Variants in DCX observed in about 807,000 individuals in gnomAD.
The protein encoded by DCX is neuronal migration protein doublecortin.
In DCX, 4 loss-of-function variants were observed where a neutral mutation model predicts 20.9. That is an observed-to-expected ratio of 0.19 (90% CI 0.09 to 0.44). DCX has a LOEUF of 0.44. DCX is among the 20% of genes least tolerant of loss of function. DCX has a pLI of 0.99. For missense variants in DCX, 133 were observed against 296.9 expected (o/e 0.45, Z 4.06); for synonymous variants, 103 against 111.4 (o/e 0.92, Z 0.47).
Position 111,294,889 on chromosome X carries a change from T to C in DCX, c.*6798A>G, listed in dbSNP as rs1159038141. 8.9e-6 allele frequency: 1 copy of C among 112,526 alleles called. No homozygotes were observed. The highest frequency in any genetic ancestry group is 1.9e-5 in the Non-Finnish European group (1 of 53,285). The allele number at this position is 112,526 out of a possible 1,213,427, so 9.3% of individuals were successfully genotyped here. On this transcript the variant is annotated 3_prime_UTR_variant, in exon 7 of 7. Coordinates refer to ENST00000636035, the MANE Select transcript of DCX (RefSeq NM_001195553.2). Reference sequence around the variant, plus strand: ...AGGTACTCAATTCTAACTACAGCTATAGGGCAGAAAGGGTGGGCTGTTTCC... The same window carrying C: ...AGGTACTCAATTCTAACTACAGCTACAGGGCAGAAAGGGTGGGCTGTTTCC...
intron 1 of DCX, chrX:111,410,684 G>T: frequency 9.6e-7 from 1 of 1,044,729 alleles, no homozygotes; most frequent in Non-Finnish European, 1.3e-6. Flanking sequence ...AGAGAGGGAG[G>T]CACTCTTGGC....
chrX:111,407,802 G>GCACACACACACACACACA (rs34206475), intron 2 of DCX, among the ~76,000 whole-genome samples: 3 of 90,275 alleles, frequency 3.3e-5, no homozygotes, highest in African/African-American at 1.2e-4. Flanking sequence ...ACATCAATAC[G>GCACACACACACACACACA]CACACACACA....
intron 5 of DCX, among the ~76,000 whole-genome samples, chrX:111,324,362 C>G (rs975057492): frequency 7.1e-5 from 8 of 111,921 alleles, no homozygotes; most frequent in African/African-American, 2.6e-4. Context: ...AATGAGCTCT[C>G]TCCCATGAAC....
At chrX:111,331,265 C>T (rs766951006) in intron 4 of DCX, among the ~76,000 whole-genome samples, 5 of 111,360 alleles carry the variant, frequency 4.5e-5, no homozygotes, top group Admixed American at 3.8e-4. Flanking sequence ...CCCTGAATTA[C>T]GAAAACAAGG....
intron 5 of DCX, among the ~76,000 whole-genome samples, chrX:111,328,858 G>A (rs1388263497): frequency 9.0e-6 from 1 of 110,813 alleles, no homozygotes; most frequent in Non-Finnish European, 1.9e-5. Flanking sequence ...ATATTTTAAT[G>A]ATACCCACAT....
chrX:111,390,982 G>A (rs973326520), intron 3 of DCX, among the ~76,000 whole-genome samples: 2 of 95,282 alleles, frequency 2.1e-5, no homozygotes, highest in South Asian at 5.7e-4. Flanking sequence ...TTCCAGTCTG[G>A]GCAATAGTGA....
Position 111,348,916 on chromosome X carries a change from T to C in DCX, c.706-15763A>G, listed in dbSNP as rs1402984554. ...AAAGAAAAGAAAGTTATTGTCTACC[T>C]GCATTCTAGGTTACAACTTGACACT... On this transcript the variant is annotated intron_variant, in intron 3 of 6. Coordinates refer to ENST00000636035, the MANE Select transcript of DCX (RefSeq NM_001195553.2). Among the ~76,000 whole-genome samples, 8 of 110,733 alleles carry C rather than the reference T, an allele frequency of 7.2e-5. No individual in the cohort carries two copies. In the East Asian group the frequency reaches 2.3e-3, roughly 32 times the overall value.
rs1221277611 is a variant in DCX at position 111,295,132 on chromosome X, C to A, written c.*6555G>T. Reference sequence around the variant, plus strand: ...ATACATTGGAGACATTTTGGCATAACCTCTTACTTGTTCAAATCCCTTTTG... The same window carrying A: ...ATACATTGGAGACATTTTGGCATAAACTCTTACTTGTTCAAATCCCTTTTG... On this transcript the variant is annotated 3_prime_UTR_variant, in exon 7 of 7. Transcript: ENST00000636035. 8.9e-6 allele frequency: 1 copy of A among 112,391 alleles called. No homozygotes were observed. Among genetic ancestry groups the A allele is most frequent in the Non-Finnish European group, 1.9e-5 (1 of 53,251 alleles). 9.3% of individuals were successfully genotyped at this position (112,391 alleles called of 1,213,427 possible).
At chrX:111,355,236 A>C (rs2147680398) in intron 3 of DCX, among the ~76,000 whole-genome samples, 1 of 111,704 alleles carries the variant, frequency 9.0e-6, no homozygotes, top group Admixed American at 9.5e-5. Flanking sequence ...TTAAGGTAGA[A>C]AAATATTTTT....
intron 6 of DCX, 142 bp from the exon 7 acceptor site, chrX:111,301,885 A>G: frequency 1.7e-6 from 1 of 581,603 alleles, no homozygotes; most frequent in Non-Finnish European, 2.8e-6. Context: ...AAAAATGTAC[A>G]GGGAGGTACC....
At position 111,293,942 on chromosome X, in the gene DCX, G is replaced by A. The variant is rs2095014074; in HGVS notation, c.*7745C>T. ...ATGCTGCGAATCTTCAGCACTCACA[G>A]TTCACAGCACCTTACACACATGGCA... is the stretch of plus-strand genomic sequence containing the variant. On this transcript the variant is annotated 3_prime_UTR_variant, in exon 7 of 7. Transcript: ENST00000636035. 2 of 112,462 alleles carry A rather than the reference G, an allele frequency of 1.8e-5. No homozygotes were observed. The allele number at this position is 112,462 out of a possible 1,213,427, so 9.3% of individuals were successfully genotyped here.
chrX:111,327,863 G>T (rs2095103071), intron 5 of DCX, among the ~76,000 whole-genome samples: 1 of 112,142 alleles, frequency 8.9e-6, no homozygotes, highest in Non-Finnish European at 1.9e-5. Flanking sequence ...TGGATGCCTT[G>T]GACTAGGCTT....
Position 111,387,366 on chromosome X carries a change from A to G in DCX, c.705+13624T>C, listed in dbSNP as rs759724239. On this transcript the variant is annotated intron_variant, in intron 3 of 6. Coordinates refer to ENST00000636035, the MANE Select transcript of DCX (RefSeq NM_001195553.2). Reference sequence around the variant, plus strand: ...TGGAGGAAGAGATCCACAAAGGCAAAAGTGCCTAGGGCCCACCAGAAGCAT... The same window carrying G: ...TGGAGGAAGAGATCCACAAAGGCAAGAGTGCCTAGGGCCCACCAGAAGCAT... Among the ~76,000 whole-genome samples the G allele has an allele frequency of 5.3e-5, 6 of 112,243 alleles. No individual in the cohort carries two copies. In the South Asian group the frequency reaches 2.2e-3, roughly 42 times the overall value.
At chrX:111,370,647 T>G in intron 3 of DCX, among the ~76,000 whole-genome samples, 1 of 111,054 alleles carries the variant, frequency 9.0e-6, no homozygotes. Context: ...AGTTCGGAAC[T>G]GGCTTTGAGA....
intron 4 of DCX, among the ~76,000 whole-genome samples, chrX:111,332,111 A>G (rs1921305277): frequency 8.9e-6 from 1 of 112,584 alleles, no homozygotes; most frequent in Non-Finnish European, 1.9e-5. Context: ...CTTTTCTGGT[A>G]AATTGAATAT....
intron 3 of DCX, among the ~76,000 whole-genome samples, chrX:111,367,125 G>T (rs1924685311): frequency 8.9e-6 from 1 of 112,061 alleles, no homozygotes; most frequent in African/African-American, 3.2e-5. Context: ...GGTTTCTGCA[G>T]TCTGAGCTAA....
At position 111,348,848 on chromosome X, in the gene DCX, G is replaced by A. The variant is rs973156527; in HGVS notation, c.706-15695C>T. Among the ~76,000 whole-genome samples, 16 of 107,706 alleles carry A rather than the reference G, an allele frequency of 1.5e-4. 1 individual carries two copies. Among genetic ancestry groups the A allele is most frequent in the Middle Eastern group, 9.6e-3 (2 of 208 alleles). The allele number at this position is 107,706 out of a possible 115,157, so 93.5% of individuals were successfully genotyped here. On this transcript the variant is annotated intron_variant, in intron 3 of 6. Coordinates refer to ENST00000636035, the MANE Select transcript of DCX (RefSeq NM_001195553.2). Reference sequence around the variant, plus strand: ...GGGATATTGCTTTTGAATCACGTAGGGGAAGGAAAGGTTTGTTAAAAAAAA... The same window carrying A: ...GGGATATTGCTTTTGAATCACGTAGAGGAAGGAAAGGTTTGTTAAAAAAAA...
chrX:111,307,246 G>A (rs16986478), intron 6 of DCX, among the ~76,000 whole-genome samples: 6,921 of 107,317 alleles, frequency 0.064, 608 homozygotes, highest in African/African-American at 0.22. Flanking sequence ...ATATGCAGCC[G>A]TACACAGCAA....
At chrX:111,362,666 G>C (rs999056781) in intron 3 of DCX, among the ~76,000 whole-genome samples, 5 of 111,570 alleles carry the variant, frequency 4.5e-5, no homozygotes, top group African/African-American at 1.6e-4. Context: ...GGGGATGCCT[G>C]GGGCTAGAGA....
Sources: allele counts gnomAD v4.1 joint callset (sites outside exome capture counted in the v4.1 genomes callset), GRCh38; gene constraint gnomAD v4.1.1; transcripts MANE v1.5; gene names NCBI Gene and HGNC (gene_info 2026-07-23, HGNC 2026-07-21).